ZFX: variants seen among roughly 807,000 people sequenced by gnomAD.
The protein encoded by ZFX is zinc finger X-chromosomal protein.
For missense variants in ZFX, 362 were observed against 628.3 expected, an observed-to-expected ratio of 0.58 and a Z score of 4.53; for synonymous variants, 196 against 226.8, an observed-to-expected ratio of 0.86 and a Z score of 1.22.
intron 3 of ZFX, among the ~76,000 whole-genome samples, chrX:24,159,829 G>C (rs1933082817): frequency 8.9e-6 from 1 of 111,787 alleles, no homozygotes; most frequent in Non-Finnish European, 1.9e-5. Context: ...GAGATTATCT[G>C]TGCTTGGTGT....
chrX:24,215,260 A>T lies in ZFX; in HGVS notation c.*3884A>T, dbSNP rs1248940358. ...TGCTGCTGTATTTGTATTCTCTGGG[A>T]ATCTCAGTATTAATAATTTCATTTC... On this transcript the variant is annotated 3_prime_UTR_variant, in exon 10 of 10. Transcript: ENST00000304543. 9.0e-6 allele frequency: 1 copy of T among 111,690 alleles called. No homozygotes were observed. The highest frequency in any genetic ancestry group is 2.8e-4 in the East Asian group (1 of 3,588). The allele number at this position is 111,690 out of a possible 1,213,427, so 9.2% of individuals were successfully genotyped here.
At chrX:24,170,017 T>C (rs781756274) in intron 3 of ZFX, among the ~76,000 whole-genome samples, 1 of 111,441 alleles carries the variant, frequency 9.0e-6, no homozygotes, top group South Asian at 3.7e-4. Flanking sequence ...GTTCTGCAAG[T>C]TGAGAATCCG....
chrX:24,201,068 C>T (rs1335503881), intron 5 of ZFX, among the ~76,000 whole-genome samples: 2 of 112,008 alleles, frequency 1.8e-5, no homozygotes, highest in East Asian at 5.6e-4. Context: ...TCGAAGCCTT[C>T]TTTGTCTGTT....
At chrX:24,194,199 G>A (rs750973517) in intron 5 of ZFX, among the ~76,000 whole-genome samples, 55 of 111,493 alleles carry the variant, frequency 4.9e-4, no homozygotes, top group African/African-American at 1.8e-3. Flanking sequence ...ACCATATTGT[G>A]TTTATCCAGT....
intron 5 of ZFX, among the ~76,000 whole-genome samples, chrX:24,204,510 A>G (rs1007709450): frequency 1.8e-5 from 2 of 112,338 alleles, no homozygotes; most frequent in African/African-American, 6.5e-5. Flanking sequence ...TGTGAATTTT[A>G]AAAGTTATAG....
At chrX:24,189,517 T>C (rs1374786265) in intron 5 of ZFX, among the ~76,000 whole-genome samples, 1 of 111,976 alleles carries the variant, frequency 8.9e-6, no homozygotes, top group East Asian at 2.8e-4. Context: ...AGCGAATAAA[T>C]ACATAAAGTC....
chrX:24,165,410 C>T (rs778211652), intron 3 of ZFX, among the ~76,000 whole-genome samples: 5 of 112,657 alleles, frequency 4.4e-5, no homozygotes, highest in African/African-American at 6.4e-5. Flanking sequence ...TGAGCCACCA[C>T]GCCCGGCCAG....
chrX:24,171,661 G>A (rs1478151375), intron 3 of ZFX, among the ~76,000 whole-genome samples: 1 of 111,386 alleles, frequency 9.0e-6, no homozygotes, highest in East Asian at 2.8e-4. Context: ...ATTGGTTAGA[G>A]TTCTTTTTGT....
chrX:24,158,803 A>ATT (rs34714825), intron 3 of ZFX, among the ~76,000 whole-genome samples: 6,238 of 89,625 alleles, frequency 0.07, 239 homozygotes, highest in Middle Eastern at 0.14. Context: ...TGCCCGGCTA[A>ATT]TTTTTTTTTT....
chrX:24,190,073 T>G (rs1297704229), intron 5 of ZFX, among the ~76,000 whole-genome samples: 1 of 112,274 alleles, frequency 8.9e-6, no homozygotes, highest in Non-Finnish European at 1.9e-5. Context: ...TTTATTTCAT[T>G]ATTTTTTAAT....
intron 5 of ZFX, among the ~76,000 whole-genome samples, chrX:24,199,163 G>A (rs767144223): frequency 9.0e-6 from 1 of 111,429 alleles, no homozygotes; most frequent in East Asian, 2.8e-4. Flanking sequence ...AGATGCTGCC[G>A]CTGCAAGTCA....
chrX:24,159,521 C>T (rs1933046102), intron 3 of ZFX, among the ~76,000 whole-genome samples: 1 of 111,104 alleles, frequency 9.0e-6, no homozygotes, highest in African/African-American at 3.3e-5. Flanking sequence ...GTCGCCCAGG[C>T]TGGAGTGCAG....
intron 3 of ZFX, among the ~76,000 whole-genome samples, chrX:24,158,113 C>CA (rs1932899425): frequency 9.0e-6 from 1 of 111,561 alleles, no homozygotes; most frequent in Admixed American, 9.6e-5. Context: ...CTAAATAAGT[C>CA]TGAATTGTCT....
intron 3 of ZFX, among the ~76,000 whole-genome samples, chrX:24,154,679 C>G (rs771498628): frequency 1.8e-5 from 2 of 111,726 alleles, no homozygotes; most frequent in African/African-American, 3.3e-5. Context: ...GAAACACTTA[C>G]GGGAATCCAG....
At chrX:24,167,245 C>A (rs1326544100) in intron 3 of ZFX, among the ~76,000 whole-genome samples, 1 of 111,672 alleles carries the variant, frequency 9.0e-6, no homozygotes, top group Non-Finnish European at 1.9e-5. Context: ...AAAGGAGAAC[C>A]TGGCTGGTTA....
At chrX:24,174,908 G>A (rs1365910717) in intron 4 of ZFX, among the ~76,000 whole-genome samples, 3 of 109,745 alleles carry the variant, frequency 2.7e-5, no homozygotes, top group Non-Finnish European at 5.7e-5. Flanking sequence ...ACGGGGTCTC[G>A]CTATGTTGCC....
chrX:24,195,362 T>G (rs1414692584), intron 5 of ZFX, among the ~76,000 whole-genome samples: 1 of 106,785 alleles, frequency 9.4e-6, no homozygotes. Context: ...CCAATTTTTT[T>G]TTTTTTTTGA....
At position 24,172,795 on chromosome X, in the gene ZFX, C is replaced by A. The variant is rs1209249083; in HGVS notation, c.53C>A (p.Ala18Glu). 1 of 1,201,168 alleles carries A rather than the reference C, an allele frequency of 8.3e-7. No individual in the cohort carries two copies. Among genetic ancestry groups the A allele is most frequent in the Admixed American group, 2.3e-5 (1 of 43,665 alleles). ...LQQEPNSFFD[A>E]TGADGTHMDG... ...CAAGAGCCAAACTCATTTTTTGATG[C>A]AACAGGTATAACTACTTGAATTGTT... The change falls in exon 4 of 10, where the codon GCA (alanine) becomes GAA (glutamate). Residue 18 changes from alanine (A) to glutamate (E), a missense_variant. Transcript: ENST00000304543.
chrX:24,200,016 A>T (rs1169919986), intron 5 of ZFX, among the ~76,000 whole-genome samples: 1 of 110,566 alleles, frequency 9.0e-6, no homozygotes, highest in Non-Finnish European at 1.9e-5. Context: ...GCAGGGAAAG[A>T]GAGGGGAGAG....
Sources: allele counts gnomAD v4.1 joint callset (sites outside exome capture counted in the v4.1 genomes callset), GRCh38; gene constraint gnomAD v4.1.1; transcripts MANE v1.5; gene names NCBI Gene and HGNC (gene_info 2026-07-23, HGNC 2026-07-21).